TPST1: variants seen among roughly 807,000 people sequenced by gnomAD.
The protein encoded by TPST1 is tyrosylprotein sulfotransferase 1.
A neutral mutation model predicts 34.8 loss-of-function variants in TPST1; 20 were observed. That is an observed-to-expected ratio of 0.57 (90% CI 0.40 to 0.84). TPST1 has a LOEUF of 0.84. Among genes scored for constraint, TPST1 ranks in the 40% least tolerant of loss-of-function variants. TPST1 has a pLI of 0.00. For synonymous variants in TPST1, 152 were observed against 159.4 expected, an observed-to-expected ratio of 0.95 and a Z score of 0.35; for missense variants, 353 against 455.5, an observed-to-expected ratio of 0.78 and a Z score of 2.05.
intron 3 of TPST1, among the ~76,000 whole-genome samples, chr7:66,335,719 G>C (rs535028142): frequency 8.5e-5 from 13 of 152,290 alleles, no homozygotes; most frequent in African/African-American, 3.1e-4. Flanking sequence ...TTTTAGTGCA[G>C]TGTTTCAGTT....
chr7:66,275,214 TA>T (rs1456190188), intron 2 of TPST1, among the ~76,000 whole-genome samples: 1 of 151,184 alleles, frequency 6.6e-6, no homozygotes, highest in Non-Finnish European at 1.5e-5. Flanking sequence ...TAAAAAAAAA[TA>T]AAAAAAGATA....
At chr7:66,203,402 G>T (rs1485974205), upstream of TPST1, among the ~76,000 whole-genome samples, 1 of 151,562 alleles carries the variant, frequency 6.6e-6, no homozygotes, top group Non-Finnish European at 1.5e-5. Flanking sequence ...ACCACACCCA[G>T]TCAGCTGATT....
intron 3 of TPST1, among the ~76,000 whole-genome samples, chr7:66,294,625 T>A (rs941712422): frequency 6.6e-6 from 1 of 151,862 alleles, no homozygotes; most frequent in Non-Finnish European, 1.5e-5. Flanking sequence ...ATTTCCATTA[T>A]AAAAATATAA....
chr7:66,262,727 C>T (rs1790512411), intron 2 of TPST1, among the ~76,000 whole-genome samples: 1 of 152,088 alleles, frequency 6.6e-6, no homozygotes, highest in South Asian at 2.1e-4. Flanking sequence ...TTCCTTTGGG[C>T]ATGATGGCAG....
Position 66,328,886 on chromosome 7 carries a change from C to CTA in TPST1, c.1045-23599_1045-23598dup, listed in dbSNP as rs1554354127. 1.9e-3 allele frequency among the ~76,000 whole-genome samples: 41 copies of CTA among 22,098 alleles called. 1 individual carries two copies. The highest frequency in any genetic ancestry group is 0.012 in the East Asian group (13 of 1,044). The allele number at this position is 22,098 out of a possible 152,430, so 14.5% of individuals were successfully genotyped here. A position where few individuals can be genotyped will look rare whatever the true frequency, so the allele number is the denominator to read the frequency against. ...TCTCTCTCTCTCTCTCTCTCTCTCTCTATATATATATATATATATATTTTT... is the reference window on the plus strand; with the variant it reads ...TCTCTCTCTCTCTCTCTCTCTCTCTCTATATATATATATATATATATATTTTT... On this transcript the variant is annotated intron_variant, in intron 3 of 5. Transcript: ENST00000304842.
the TPST1 span, among the ~76,000 whole-genome samples, chr7:66,199,321 A>G: frequency 6.6e-5 from 8 of 121,644 alleles, no homozygotes. Context: ...TTGAGATGGA[A>G]TCTTGCTCTG....
At chr7:66,239,787 T>C (rs1361656855) in intron 1 of TPST1, among the ~76,000 whole-genome samples, 1 of 152,252 alleles carries the variant, frequency 6.6e-6, no homozygotes, top group African/African-American at 2.4e-5. Context: ...AAAAGCTGTT[T>C]CTGATTATAA....
intron 2 of TPST1, among the ~76,000 whole-genome samples, chr7:66,284,337 C>CGA (rs1790988800): frequency 1.4e-5 from 2 of 145,362 alleles, no homozygotes; most frequent in Non-Finnish European, 3.0e-5. Flanking sequence ...TTTTTGGTGA[C>CGA]CTTCTGATTA....
At chr7:66,240,257 G>C in intron 1 of TPST1, 68 bp from the exon 2 acceptor site, 1 of 798,068 alleles carries the variant, frequency 1.3e-6, no homozygotes, top group Non-Finnish European at 1.9e-6. Context: ...ATGCAGTGGT[G>C]ATAACTGGTG....
At chr7:66,322,596 G>T (rs974794036) in intron 3 of TPST1, among the ~76,000 whole-genome samples, 1 of 152,138 alleles carries the variant, frequency 6.6e-6, no homozygotes, top group Non-Finnish European at 1.5e-5. Context: ...GTATTTCATT[G>T]TATGTCTGTA....
chr7:66,304,911 G>A (rs1056557206), intron 3 of TPST1, among the ~76,000 whole-genome samples: 1 of 151,722 alleles, frequency 6.6e-6, no homozygotes, highest in Non-Finnish European at 1.5e-5. Flanking sequence ...AGAATCTCCT[G>A]GGCCCAAGCG....
chr7:66,355,715 CAT>C, intron 4 of TPST1, among the ~76,000 whole-genome samples: 1 of 151,612 alleles, frequency 6.6e-6, no homozygotes, highest in East Asian at 1.9e-4. Flanking sequence ...GCCTGGCAAA[CAT>C]GGCAAAACTC....
At chr7:66,204,923 G>A (rs1018084561), upstream of TPST1, among the ~76,000 whole-genome samples, 3 of 152,264 alleles carry the variant, frequency 2.0e-5, no homozygotes, top group African/African-American at 7.2e-5. Flanking sequence ...ATCAGGAAAA[G>A]CTCATTTTCT....
At chr7:66,307,086 G>A (rs1276880656) in intron 3 of TPST1, among the ~76,000 whole-genome samples, 1 of 151,814 alleles carries the variant, frequency 6.6e-6, no homozygotes, top group Non-Finnish European at 1.5e-5. Context: ...AACTTTATGG[G>A]ATGTAGGTGG....
At chr7:66,261,227 A>G (rs1270493142) in intron 2 of TPST1, among the ~76,000 whole-genome samples, 1 of 98,392 alleles carries the variant, frequency 1.0e-5, no homozygotes, top group African/African-American at 4.4e-5. Flanking sequence ...TGCAACGTAT[A>G]TTGTCTTTTT....
At chr7:66,231,131 T>C (rs1316769222) in intron 1 of TPST1, among the ~76,000 whole-genome samples, 1 of 150,902 alleles carries the variant, frequency 6.6e-6, no homozygotes, top group Non-Finnish European at 1.5e-5. Flanking sequence ...AGATACAGAG[T>C]GTCGATTGGT....
At chr7:66,342,730 G>A (rs1486439381) in intron 3 of TPST1, among the ~76,000 whole-genome samples, 1 of 151,994 alleles carries the variant, frequency 6.6e-6, no homozygotes, top group South Asian at 2.1e-4. Context: ...AGGGGAGGGA[G>A]GTGCCAGACT....
At chr7:66,342,067 TA>T (rs1792249558) in intron 3 of TPST1, among the ~76,000 whole-genome samples, 1 of 152,014 alleles carries the variant, frequency 6.6e-6, no homozygotes, top group Non-Finnish European at 1.5e-5. Context: ...AAAAAGAGAA[TA>T]GAGAAAACGA....
At chr7:66,285,600 A>T (rs765707464) in intron 2 of TPST1, among the ~76,000 whole-genome samples, 1 of 152,198 alleles carries the variant, frequency 6.6e-6, no homozygotes, top group Non-Finnish European at 1.5e-5. Flanking sequence ...CTTAATTAAA[A>T]GGGCCTTTAC....
Sources: gnomAD v4.1 joint callset for allele counts (sites outside exome capture counted in the v4.1 genomes callset) on GRCh38, gnomAD v4.1.1 for gene constraint, MANE v1.5 for transcripts, NCBI Gene and HGNC (gene_info 2026-07-23, HGNC 2026-07-21) for gene names.